The following GALNT13 variants were observed in gnomAD, a reference collection of about 807,000 sequenced individuals.
The protein encoded by GALNT13 is UDP-GalNAc:polypeptide N-acetylgalactosaminyltransferase 13.
A neutral mutation model predicts 64.2 loss-of-function variants in GALNT13; 28 were observed. That is an observed-to-expected ratio of 0.44 (90% confidence interval 0.32 to 0.60). The LOEUF (loss-of-function observed/expected upper bound fraction) is 0.60. Among genes scored for constraint, GALNT13 ranks in the 20% least tolerant of loss-of-function variants. GALNT13 has a pLI of 0.05. For synonymous variants in GALNT13, 214 were observed against 224.6 expected (o/e 0.95, Z 0.42); for missense variants, 577 against 669.8 (o/e 0.86, Z 1.53).
At chr2:153,356,820 C>T in the GALNT13 span, among the ~76,000 whole-genome samples, 7 of 98,234 alleles carry the variant, frequency 7.1e-5, no homozygotes, top group Admixed American at 1.6e-4. Context: ...TTTTTTGAGA[C>T]GGAGTCTTGC....
chr2:153,181,234 A>T, the GALNT13 span, among the ~76,000 whole-genome samples: 18 of 150,250 alleles, frequency 1.2e-4, no homozygotes, highest in Non-Finnish European at 2.1e-4. Flanking sequence ...ATATTTTTAA[A>T]TTTCTCTTTT....
chr2:154,313,515 T>C (rs964565899), intron 9 of GALNT13, among the ~76,000 whole-genome samples: 3 of 151,690 alleles, frequency 2.0e-5, no homozygotes, highest in Non-Finnish European at 4.4e-5. Context: ...AGAGCAGTGG[T>C]GTGATCTCGG....
rs375722642 is a variant in GALNT13, at chr2:154,025,274, T to C, written c.142+80635T>C. On this transcript the variant is annotated intron_variant, in intron 3 of 12. Coordinates refer to ENST00000392825, the MANE Select transcript of GALNT13 (RefSeq NM_052917.4). ...TCTGCGTCACTCACGCTGGGTGCTG[T>C]AGACTGGAGCTGTTCCTATTTGGCC... Among the ~76,000 whole-genome samples, 23 of 152,300 alleles carry C rather than the reference T, an allele frequency of 1.5e-4. No individual in the cohort carries two copies. In the East Asian group the frequency reaches 4.3e-3, roughly 28 times the overall value.
At chr2:153,778,985 T>A in the GALNT13 span, among the ~76,000 whole-genome samples, 3 of 152,216 alleles carry the variant, frequency 2.0e-5, no homozygotes, top group East Asian at 5.8e-4. Flanking sequence ...ACTAGCTGTG[T>A]GGTCTTGGAC....
At chr2:154,007,992 A>C (rs537042042) in intron 3 of GALNT13, among the ~76,000 whole-genome samples, 1 of 152,060 alleles carries the variant, frequency 6.6e-6, no homozygotes, top group South Asian at 2.1e-4. Flanking sequence ...AGTGCCCCCC[A>C]ACTATTCTCA....
At chr2:154,122,279 A>T (rs891268623) in intron 3 of GALNT13, among the ~76,000 whole-genome samples, 4 of 151,936 alleles carry the variant, frequency 2.6e-5, no homozygotes, top group African/African-American at 9.7e-5. Context: ...GTAATCTAGG[A>T]TAAAAAATAG....
At chr2:153,366,500 GAA>G in the GALNT13 span, among the ~76,000 whole-genome samples, 2 of 151,728 alleles carry the variant, frequency 1.3e-5, no homozygotes, top group African/African-American at 2.4e-5. Flanking sequence ...TGGGGAGAGA[GAA>G]AGAAAGAAAC....
At chr2:153,168,554 T>C in the GALNT13 span, among the ~76,000 whole-genome samples, 7 of 152,200 alleles carry the variant, frequency 4.6e-5, no homozygotes, top group African/African-American at 9.7e-5. Context: ...GGTGTGTGTG[T>C]GGTGAGAACA....
At chr2:153,676,705 A>T in the GALNT13 span, among the ~76,000 whole-genome samples, 1 of 152,120 alleles carries the variant, frequency 6.6e-6, no homozygotes, top group Non-Finnish European at 1.5e-5. Context: ...TTCTCCATGG[A>T]TGCAAGGATG....
chr2:153,900,164 G>T (rs1688143713), intron 1 of GALNT13, among the ~76,000 whole-genome samples: 1 of 151,754 alleles, frequency 6.6e-6, no homozygotes, highest in African/African-American at 2.4e-5. Context: ...TTTTCATTAG[G>T]TTGTATTTTA....
intron 2 of GALNT13, among the ~76,000 whole-genome samples, chr2:153,922,846 A>G (rs1280370686): frequency 6.6e-6 from 1 of 151,992 alleles, no homozygotes; most frequent in African/African-American, 2.4e-5. Context: ...AATTATATTA[A>G]AGTAATAAGG....
At chr2:153,285,537 A>C in the GALNT13 span, among the ~76,000 whole-genome samples, 1 of 152,224 alleles carries the variant, frequency 6.6e-6, no homozygotes, top group African/African-American at 2.4e-5. Flanking sequence ...AGAGTAGAAG[A>C]AAAGGATAAT....
At chr2:154,407,808 C>G (rs1012640350) in intron 10 of GALNT13, among the ~76,000 whole-genome samples, 1 of 152,032 alleles carries the variant, frequency 6.6e-6, no homozygotes, top group Non-Finnish European at 1.5e-5. Context: ...ATACTATTCT[C>G]AGTTATTGAT....
chr2:153,433,193 ATTG>A, the GALNT13 span, among the ~76,000 whole-genome samples: 1 of 152,216 alleles, frequency 6.6e-6, no homozygotes, highest in Non-Finnish European at 1.5e-5. Flanking sequence ...AAGTCTCATC[ATTG>A]ATTTCAAAGG....
the GALNT13 span, among the ~76,000 whole-genome samples, chr2:153,528,052 A>G: frequency 1.3e-5 from 2 of 152,056 alleles, no homozygotes; most frequent in African/African-American, 2.4e-5. Context: ...AAAACCAATA[A>G]CAAGTGGCAA....
the GALNT13 span, among the ~76,000 whole-genome samples, chr2:153,093,557 T>C: frequency 2.0e-5 from 3 of 152,150 alleles, no homozygotes; most frequent in Non-Finnish European, 4.4e-5. Context: ...ATCTTTCTAA[T>C]GTATTGTTGA....
the GALNT13 span, chr2:153,762,465 T>C: frequency 6.5e-6 from 1 of 154,032 alleles, no homozygotes; most frequent in East Asian, 1.9e-4. Flanking sequence ...GTTATACAAT[T>C]CTCTTTTCGT....
chr2:153,262,463 C>G, the GALNT13 span, among the ~76,000 whole-genome samples: 1 of 152,146 alleles, frequency 6.6e-6, no homozygotes, highest in Non-Finnish European at 1.5e-5. Flanking sequence ...CAGCATCATC[C>G]TGATACCAAA....
At chr2:154,401,637 C>A (rs1201024237) in intron 10 of GALNT13, among the ~76,000 whole-genome samples, 4 of 152,120 alleles carry the variant, frequency 2.6e-5, no homozygotes, top group Non-Finnish European at 5.9e-5. Context: ...AACTAAAATT[C>A]ATTCTAATTT....
Sources: allele counts gnomAD v4.1 joint callset (sites outside exome capture counted in the v4.1 genomes callset), GRCh38; gene constraint gnomAD v4.1.1; transcripts MANE v1.5; gene names NCBI Gene and HGNC (gene_info 2026-07-23, HGNC 2026-07-21).